Variants in MROH1 observed in about 807,000 individuals in gnomAD.
MROH1 encodes maestro heat-like repeat-containing protein family member 1.
MROH1 carries 117 observed loss-of-function variants against 116.5 expected under a neutral mutation model. That is an observed-to-expected ratio of 1.00 (90% CI 0.86 to 1.17). The LOEUF (loss-of-function observed/expected upper bound fraction) is 1.17. Ranked by LOEUF, MROH1 falls within the 50% of genes most tolerant of loss-of-function variation. The pLI is 0.00. For missense variants in MROH1, 1,873 were observed against 1,338.5 expected, an observed-to-expected ratio of 1.40 and a Z score of -6.23; for synonymous variants, 921 against 583.9, an observed-to-expected ratio of 1.58 and a Z score of -8.32.
At position 144,259,349 on chromosome 8, in the gene MROH1, G is replaced by GC. The variant is rs1844528230; in HGVS notation, c.4041dup (p.Glu1348ArgfsTer49). ...GAGGGTGACCACCACCGCCTTCCTG[G>GC]CCGAGGTAGGCCCTTCCAGGGACGG... On this transcript the variant is annotated frameshift_variant, in exon 37 of 44. Transcript: ENST00000326134. LOFTEE classifies it high-confidence loss of function. The GC allele has an allele frequency of 1.4e-6, 1 of 714,964 alleles. No individual in the cohort carries two copies. The highest frequency in any genetic ancestry group is 2.6e-6 in the Non-Finnish European group (1 of 384,876). The allele number at this position is 714,964 out of a possible 1,614,324, so 44.3% of individuals were successfully genotyped here. A position where few individuals can be genotyped will look rare whatever the true frequency, so the allele number is the denominator to read the frequency against.
intron 14 of MROH1, 150 bp downstream of exon 14, chr8:144,223,380 T>C (rs569714225): frequency 2.2e-5 from 24 of 1,068,702 alleles, no homozygotes; most frequent in African/African-American, 3.2e-5. Context: ...TTTTGTTTAA[T>C]AGAGACAGGG....
At chr8:144,165,781 C>G (rs1466896027) in intron 3 of MROH1, among the ~76,000 whole-genome samples, 1 of 147,458 alleles carries the variant, frequency 6.8e-6, no homozygotes, top group Non-Finnish European at 1.5e-5. Flanking sequence ...CGGGGTTTCA[C>G]CATGTTGGCC....
intron 33 of MROH1, among the ~76,000 whole-genome samples, chr8:144,252,829 G>A (rs1265322582): frequency 3.3e-5 from 5 of 151,164 alleles, no homozygotes; most frequent in Non-Finnish European, 4.4e-5. Flanking sequence ...GGTGGTGCCT[G>A]CCTGTAATCA....
At chr8:144,176,094 G>A (rs976744442) in intron 4 of MROH1, among the ~76,000 whole-genome samples, 2 of 151,860 alleles carry the variant, frequency 1.3e-5, no homozygotes, top group East Asian at 3.9e-4. Flanking sequence ...TGGGTGCAGC[G>A]GCTCATGCCT....
At chr8:144,179,696 G>T (rs747024151) in intron 5 of MROH1, 110 bp downstream of exon 5, 6 of 1,395,096 alleles carry the variant, frequency 4.3e-6, no homozygotes, top group Non-Finnish European at 5.9e-6. Context: ...GTGTTTGGCT[G>T]CCTTGGGCTG....
chr8:144,258,591 C>T (rs1032263848), intron 35 of MROH1, among the ~76,000 whole-genome samples, 186 bp from the exon 36 acceptor site: 1 of 152,170 alleles, frequency 6.6e-6, no homozygotes, highest in Non-Finnish European at 1.5e-5. Flanking sequence ...TGCGTCCTTG[C>T]CTTGGGTGGG....
intron 1 of MROH1, among the ~76,000 whole-genome samples, chr8:144,158,919 TG>T (rs1206830198): frequency 1.3e-5 from 2 of 152,164 alleles, no homozygotes; most frequent in African/African-American, 4.8e-5. Context: ...TTGTATTTTT[TG>T]TAGAGACAGG....
In MROH1 at chr8:144,220,624, C is replaced by T. The variant is rs977346469; in HGVS notation, c.1166C>T (p.Pro389Leu). 7.0e-6 allele frequency: 11 copies of T among 1,579,560 alleles called. No homozygotes were observed. In the South Asian group the frequency reaches 8.1e-5, roughly 12 times the overall value. ...SAAAQMEDKK[P>L]FILSSMRLPL... ...GCTGCTCAGATGGAAGATAAAAAGC[C>T]CTTTATCCTGTCTTCCATGAGGCTT... Residue 389 changes from proline to leucine, a missense_variant, in exon 13 of 44, where the codon CCC becomes CTC. By Grantham distance (98) the Pro-to-Leu change is moderately conservative. Transcript: ENST00000326134.
At chr8:144,196,409 T>C (rs1285259486) in intron 10 of MROH1, among the ~76,000 whole-genome samples, 2 of 151,648 alleles carry the variant, frequency 1.3e-5, no homozygotes, top group African/African-American at 4.8e-5. Flanking sequence ...CAGGCTGGAG[T>C]GCAGTGGTGC....
intron 31 of MROH1, among the ~76,000 whole-genome samples, 157 bp from the exon 32 acceptor site, chr8:144,248,720 G>C (rs933397116): frequency 6.6e-6 from 1 of 152,188 alleles, no homozygotes; most frequent in African/African-American, 2.4e-5. Context: ...CCCGTGCAGC[G>C]AGCTCATTGA....
chr8:144,174,248 A>C lies in MROH1; in HGVS notation c.169-5207A>C, dbSNP rs10090378. The stretch of plus-strand genomic sequence containing the variant: ...ACACCAGACAGGAAGACAGGCTCTC[A>C]ATCTGGTCCCAGGATTTTACTTGTA... On this transcript the variant is annotated intron_variant, in intron 4 of 43. Coordinates refer to ENST00000326134, the MANE Select transcript of MROH1 (RefSeq NM_032450.3). 3.4e-3 allele frequency among the ~76,000 whole-genome samples: 514 copies of C among 152,242 alleles called. 3 individuals carry two copies. Among genetic ancestry groups the C allele is most frequent in the African/African-American group, 0.012 (500 of 41,554 alleles).
chr8:144,230,802 CTTT>C (rs1161687289), intron 14 of MROH1, among the ~76,000 whole-genome samples: 31 of 68,616 alleles, frequency 4.5e-4, no homozygotes, highest in African/African-American at 1.4e-3. Flanking sequence ...AAAAGGTTTT[CTTT>C]TTTTTTTTTT....
intron 14 of MROH1, among the ~76,000 whole-genome samples, chr8:144,228,220 A>G (rs1449845040): frequency 2.0e-5 from 3 of 152,202 alleles, no homozygotes; most frequent in African/African-American, 7.2e-5. Context: ...GGGCAACAGA[A>G]CGAGAACCTC....
At chr8:144,202,585 G>T (rs1026426121) in intron 12 of MROH1, among the ~76,000 whole-genome samples, 6 of 129,402 alleles carry the variant, frequency 4.6e-5, no homozygotes, top group Admixed American at 3.9e-4. Flanking sequence ...CCCCCTCTGT[G>T]GGGGGGAAAG....
At chr8:144,181,189 C>A (rs984313591) in intron 7 of MROH1, among the ~76,000 whole-genome samples, 6 of 150,682 alleles carry the variant, frequency 4.0e-5, no homozygotes, top group Non-Finnish European at 7.4e-5. Flanking sequence ...GAGAACAGGA[C>A]CCTCGTGCCC....
intron 9 of MROH1, 141 bp from the exon 10 acceptor site, chr8:144,192,168 T>C (rs1181906914): frequency 2.7e-6 from 2 of 733,702 alleles, no homozygotes; most frequent in South Asian, 1.9e-5. Flanking sequence ...ACGAAAGGCC[T>C]CCTCATTTGA....
intron 12 of MROH1, among the ~76,000 whole-genome samples, chr8:144,205,517 G>GACACAC (rs10695749): frequency 6.1e-4 from 90 of 148,684 alleles, no homozygotes; most frequent in African/African-American, 1.9e-3. Context: ...CATATATATA[G>GACACAC]ACACACACAC....
At chr8:144,237,597 C>T (rs1380000587) in intron 14 of MROH1, among the ~76,000 whole-genome samples, 5 of 152,230 alleles carry the variant, frequency 3.3e-5, no homozygotes, top group African/African-American at 9.6e-5. Context: ...TTTCTTCTTC[C>T]ATTCTTTTTA....
At chr8:144,181,444 T>G (rs1017114278) in intron 7 of MROH1, among the ~76,000 whole-genome samples, 1 of 152,160 alleles carries the variant, frequency 6.6e-6, no homozygotes, top group Admixed American at 6.5e-5. Context: ...CCACCTGCTC[T>G]GCTCCTGGTG....
Sources: allele counts gnomAD v4.1 joint callset (sites outside exome capture counted in the v4.1 genomes callset), GRCh38; gene constraint gnomAD v4.1.1; transcripts MANE v1.5; gene names NCBI Gene and HGNC (gene_info 2026-07-23, HGNC 2026-07-21).